Variants in PRR35 observed in about 807,000 individuals in gnomAD.
PRR35 encodes the protein proline rich 35.
A neutral mutation model predicts 18.6 loss-of-function variants in PRR35; 14 were observed. The ratio of observed to expected loss-of-function variants is 0.75; its 90% CI spans 0.50 to 1.18. PRR35 has a LOEUF of 1.18. PRR35 is among the 50% of genes most tolerant of loss of function. The pLI is 0.00. For missense variants in PRR35, 832 were observed against 792.2 expected, an observed-to-expected ratio of 1.05 and a Z score of -0.60; for synonymous variants, 425 against 378.2, an observed-to-expected ratio of 1.12 and a Z score of -1.43.
At position 563,498 on chromosome 16, in the gene PRR35, G is replaced by A. The variant is rs762160939; in HGVS notation, c.204G>A (p.Leu68=). 5 of 1,612,256 alleles carry A rather than the reference G, an allele frequency of 3.1e-6. No individual in the cohort carries two copies. The highest frequency in any genetic ancestry group is 4.5e-5 in the East Asian group (2 of 44,882). ...YSLCKDSLSL[L]LDSPDWACRR... Reference sequence around the variant, plus strand: ...TCTGCAAGGACTCCCTGTCCCTGCTGCTAGACTCCCCAGACTGGGCGTGCC... The same window carrying A: ...TCTGCAAGGACTCCCTGTCCCTGCTACTAGACTCCCCAGACTGGGCGTGCC... Residue 68 remains leucine, a synonymous_variant, in exon 2 of 3, where the codon CTG becomes CTA. Transcript: ENST00000409413.
At chr16:562,020 C>T (rs573926852) in intron 1 of PRR35, among the ~76,000 whole-genome samples, 87 of 152,320 alleles carry the variant, frequency 5.7e-4, no homozygotes, top group African/African-American at 1.8e-3. Context: ...GTGGCTTCTC[C>T]GGGCACTGGG....
chr16:560,908 C>T (rs1246217978), intron 1 of PRR35, among the ~76,000 whole-genome samples: 1 of 146,502 alleles, frequency 6.8e-6, no homozygotes, highest in Non-Finnish European at 1.5e-5. Context: ...TCGCCGCACC[C>T]GCCTGTGTGG....
Position 565,480 on chromosome 16 carries a change from CAGTT to C in PRR35, c.*175_*178del, listed in dbSNP as rs919103556. On this transcript the variant is annotated 3_prime_UTR_variant, in exon 3 of 3. Coordinates refer to ENST00000409413, the MANE Select transcript of PRR35 (RefSeq NM_145270.3). ...GGCCACACAGGGACACTGGAGGTCACAGTTATTTATTGATCACAATTGTGGACAT... is the reference window on the plus strand; with the variant it reads ...GGCCACACAGGGACACTGGAGGTCACATTTATTGATCACAATTGTGGACAT... 6.7e-6 allele frequency: 4 copies of C among 593,938 alleles called. No homozygotes were observed. The highest frequency in any genetic ancestry group is 3.3e-5 in the East Asian group (1 of 30,214). 36.8% of individuals were successfully genotyped at this position (593,938 alleles called of 1,614,324 possible).
intron 1 of PRR35, among the ~76,000 whole-genome samples, chr16:561,414 G>A (rs1567168219): frequency 2.0e-5 from 3 of 152,134 alleles, no homozygotes; most frequent in Non-Finnish European, 4.4e-5. Context: ...CTCTGTCGCC[G>A]GAGCGCCCAC....
At position 565,097 on chromosome 16, in the gene PRR35, C is replaced by A; in HGVS notation, c.1506C>A (p.Gly502=). The change falls in exon 3 of 3, where the codon GGC becomes GGA. Residue 502 remains glycine (G), a synonymous_variant. Coordinates refer to ENST00000409413, the MANE Select transcript of PRR35 (RefSeq NM_145270.3). The part of the protein sequence containing the change: ...VLTGGTPEPP[G]MLGPAAPQPF... ...CCGGGGGCACCCCCGAGCCACCCGG[C>A]ATGCTGGGCCCTGCAGCGCCCCAAC... The A allele has an allele frequency of 6.3e-7, 1 of 1,595,010 alleles. No individual in the cohort carries two copies. Among genetic ancestry groups the A allele is most frequent in the Non-Finnish European group, 8.5e-7 (1 of 1,169,876 alleles).
chr16:564,475 G>A (rs1263884517), intron 2 of PRR35, 99 bp downstream of exon 2: 1 of 1,478,848 alleles, frequency 6.8e-7, no homozygotes, highest in African/African-American at 1.4e-5. Context: ...GGTCCGTCCT[G>A]AGCTCAGTCG....
chr16:563,223 C>G, intron 1 of PRR35, 33 bp from the exon 2 acceptor site: 1 of 1,472,752 alleles, frequency 6.8e-7, no homozygotes, highest in Non-Finnish European at 9.0e-7. Flanking sequence ...TAGTCAGAGG[C>G]AGGCTTGGCA....
chr16:561,401 C>T (rs562770678), intron 1 of PRR35, among the ~76,000 whole-genome samples: 6 of 152,244 alleles, frequency 3.9e-5, no homozygotes, highest in East Asian at 3.9e-4. Context: ...CCGGCACAGC[C>T]GCCTCTGTCG....
rs764954643 is a variant in PRR35 at position 563,946 on chromosome 16, G to A, written c.652G>A (p.Gly218Ser). Reference sequence around the variant, plus strand: ...GGGCGTCAACTACCCGCTCAGCCCCGGCCTCTTCTCCTACTTGGGGCCCTC... The same window carrying A: ...GGGCGTCAACTACCCGCTCAGCCCCAGCCTCTTCTCCTACTTGGGGCCCTC... The part of the protein sequence containing the change: ...LLGVNYPLSP[G>S]LFSYLGPSLA... Residue 218 changes from glycine (G) to serine (S), a missense_variant, in exon 2 of 3, where the codon GGC becomes AGC. This residue lies in a region of PRR35 where 768 missense variants were observed against 704.1 expected (regional missense o/e 1.09). Transcript: ENST00000409413. 3.6e-5 allele frequency: 58 copies of A among 1,596,910 alleles called. No homozygotes were observed. Among genetic ancestry groups the A allele is most frequent in the East Asian group, 6.8e-5 (3 of 43,856 alleles).
At chr16:560,227 A>C, upstream of PRR35, 4 of 608,410 alleles carry the variant, frequency 6.6e-6, no homozygotes, top group Non-Finnish European at 8.2e-6. Flanking sequence ...GTCCCGGCGC[A>C]CGAGGCCGGT....
chr16:562,962 T>C (rs147210902), intron 1 of PRR35, among the ~76,000 whole-genome samples: 24 of 152,136 alleles, frequency 1.6e-4, no homozygotes, highest in South Asian at 2.1e-4. Flanking sequence ...CTTTCCAATA[T>C]TGCCTAGGCT....
Position 563,589 on chromosome 16 carries a change from G to T in PRR35, c.295G>T (p.Gly99Cys). 1 of 1,598,412 alleles carries T rather than the reference G, an allele frequency of 6.3e-7. No homozygotes were observed. The highest frequency in any genetic ancestry group is 1.7e-5 in the Admixed American group (1 of 58,378). ...TPDRPGESDPGRQPQGARPTG... is the reference protein window; with the variant it reads ...TPDRPGESDPCRQPQGARPTG... The stretch of plus-strand genomic sequence containing the variant: ...AGACCGCCCTGGGGAGTCCGACCCC[G>T]GCAGGCAACCCCAGGGAGCACGGCC... The change falls in exon 2 of 3, where the codon GGC (glycine) becomes TGC (cysteine). Residue 99 changes from glycine to cysteine, a missense_variant. Physicochemically the swap from Gly to Cys is radical, Grantham distance 159. Around this residue, in one of 3 missense-constraint regions of PRR35, gnomAD observed 768 missense variants for 704.1 expected, o/e 1.09. Coordinates refer to ENST00000409413, the MANE Select transcript of PRR35 (RefSeq NM_145270.3).
chr16:563,641 TC>T lies in PRR35; in HGVS notation c.348del (p.Val117TrpfsTer186), dbSNP rs1175305894. ...RPTGAAPAPD[L>X]VVADIHSLHC... ...ACAGGTGCTGCCCCCGCGCCTGACCTCGTGGTCGCCGACATCCACTCCCTGC... is the reference window on the plus strand; with the variant it reads ...ACAGGTGCTGCCCCCGCGCCTGACCTGTGGTCGCCGACATCCACTCCCTGC... On this transcript the variant is annotated frameshift_variant, in exon 2 of 3. Coordinates refer to ENST00000409413, the MANE Select transcript of PRR35 (RefSeq NM_145270.3). LOFTEE classifies it high-confidence loss of function. 1.5e-5 allele frequency: 24 copies of T among 1,578,462 alleles called. No individual in the cohort carries two copies. In the Admixed American group the frequency reaches 3.7e-4, roughly 24 times the overall value.
rs983612692 is a variant in PRR35, at chr16:560,424, G to C, written c.-277G>C. ...CGGGAGGTGCGAGCGGCGTCGGGGG[G>C]ACGCGGGCGGCGGCGGAGGCTGCGG... On this transcript the variant is annotated 5_prime_UTR_variant, in exon 1 of 3. Coordinates refer to ENST00000409413, the MANE Select transcript of PRR35 (RefSeq NM_145270.3). The C allele has an allele frequency of 1.0e-6, 1 of 982,910 alleles. No individual in the cohort carries two copies. Among genetic ancestry groups the C allele is most frequent in the Non-Finnish European group, 1.2e-6 (1 of 828,996 alleles). 60.9% of individuals were successfully genotyped at this position (982,910 alleles called of 1,614,324 possible).
rs199703751 is a variant in PRR35, at chr16:563,314, C to A, written c.20C>A (p.Ser7Ter). ...GCTGCCATGTCGCGGGAGGCGGGCTCATGCCGCGTGGGCACAGGGGCGAGG... is the reference window on the plus strand; with the variant it reads ...GCTGCCATGTCGCGGGAGGCGGGCTAATGCCGCGTGGGCACAGGGGCGAGG... The part of the protein sequence containing the change: MSREAG[S>*]CRVGTGARAR... Residue 7 changes from serine (S) to a stop codon, truncating the protein, a stop_gained, in exon 2 of 3, where the codon TCA becomes TAA. Coordinates refer to ENST00000409413, the MANE Select transcript of PRR35 (RefSeq NM_145270.3). LOFTEE classifies it high-confidence loss of function. 6.2e-7 allele frequency: 1 copy of A among 1,609,318 alleles called. No individual in the cohort carries two copies. The highest frequency in any genetic ancestry group is 1.1e-5 in the South Asian group (1 of 90,970).
At chr16:561,764 C>T (rs2035439040) in intron 1 of PRR35, 1 of 985,360 alleles carries the variant, frequency 1.0e-6, no homozygotes, top group African/African-American at 1.7e-5. Context: ...ACCCACTGGC[C>T]ATGCATGACC....
Position 560,563 on chromosome 16 carries a change from G to C in PRR35, c.-138G>C. On this transcript the variant is annotated 5_prime_UTR_variant, in exon 1 of 3. Transcript: ENST00000409413. Reference sequence around the variant, plus strand: ...CCCCAGAGCCCCAGCGCGTCCGCGGGGTCCGAGTCGCGGCCGGCGCGGGGC... The same window carrying C: ...CCCCAGAGCCCCAGCGCGTCCGCGGCGTCCGAGTCGCGGCCGGCGCGGGGC... 1.0e-6 allele frequency: 1 copy of C among 983,154 alleles called. No homozygotes were observed. The highest frequency in any genetic ancestry group is 1.2e-6 in the Non-Finnish European group (1 of 829,016). 60.9% of individuals were successfully genotyped at this position (983,154 alleles called of 1,614,324 possible).
chr16:563,073 A>C (rs1165272978), intron 1 of PRR35, among the ~76,000 whole-genome samples, 183 bp from the exon 2 acceptor site: 28 of 111,524 alleles, frequency 2.5e-4, no homozygotes, highest in Admixed American at 3.8e-4. Context: ...CTTTGCTGCC[A>C]CCCTGGAAGT....
chr16:563,054 T>C (rs1388703170), intron 1 of PRR35, among the ~76,000 whole-genome samples: 1 of 147,076 alleles, frequency 6.8e-6, no homozygotes, highest in African/African-American at 2.5e-5. Flanking sequence ...TTTTTTTTGG[T>C]GCCCTGGACT....
Sources: allele counts gnomAD v4.1 joint callset (sites outside exome capture counted in the v4.1 genomes callset), GRCh38; gene constraint gnomAD v4.1.1; regional missense constraint gnomAD v4.1.1; transcripts MANE v1.5; gene names NCBI Gene and HGNC (gene_info 2026-07-23, HGNC 2026-07-21).